Variants in SAMD3 observed in about 807,000 individuals in gnomAD.
SAMD3 encodes sterile alpha motif domain containing 3.
Under a neutral mutation model 58.5 loss-of-function variants are expected in SAMD3, and 63 were observed. The ratio of observed to expected loss-of-function variants is 1.08; its 90% CI spans 0.88 to 1.33. SAMD3 has a LOEUF of 1.33. Among genes scored for constraint, SAMD3 ranks in the 40% most tolerant of loss-of-function variants. The pLI is 0.00. For missense variants in SAMD3, 604 were observed against 608.4 expected, an observed-to-expected ratio of 0.99 and a Z score of 0.08; for synonymous variants, 220 against 210.3, an observed-to-expected ratio of 1.05 and a Z score of -0.40.
intron 2 of SAMD3, among the ~76,000 whole-genome samples, chr6:130,267,520 G>T (rs899236780): frequency 6.6e-6 from 1 of 152,128 alleles, no homozygotes; most frequent in Non-Finnish European, 1.5e-5. Context: ...AACAGAGACA[G>T]ACCCTCTCAT....
chr6:130,348,531 T>C (rs1326823523), intron 1 of SAMD3, among the ~76,000 whole-genome samples: 1 of 152,158 alleles, frequency 6.6e-6, no homozygotes, highest in Non-Finnish European at 1.5e-5. Flanking sequence ...GAGCTAACTA[T>C]CCTAAATATA....
rs767906146 is a variant in SAMD3, at chr6:130,175,893, C to T, written c.770G>A (p.Arg257Lys). ...CKFGHRRGQT[R>K]KSLADIRFDE... ...AAATCTTATATCAGCAAGAGATTTC[C>T]TTGTCTGGCCTCTTCGGTGTCCAAA... is the stretch of plus-strand genomic sequence containing the variant. The change falls in exon 8 of 12, where the codon AGG becomes AAG. Residue 257 changes from arginine (R) to lysine (K), a missense_variant. By Grantham distance (26) the Arg-to-Lys change is conservative. Coordinates refer to ENST00000439090, the MANE Select transcript of SAMD3 (RefSeq NM_001017373.4). 1.2e-6 allele frequency: 2 copies of T among 1,612,964 alleles called. No homozygotes were observed. The highest frequency in any genetic ancestry group is 1.1e-5 in the South Asian group (1 of 90,972).
chr6:130,359,726 A>T (rs1777931842), intron 1 of SAMD3, among the ~76,000 whole-genome samples: 1 of 152,230 alleles, frequency 6.6e-6, no homozygotes, highest in South Asian at 2.1e-4. Context: ...TGCCCAATAC[A>T]TTATGTGAAT....
intron 2 of SAMD3, among the ~76,000 whole-genome samples, chr6:130,236,276 T>C (rs923500583): frequency 6.6e-6 from 1 of 152,224 alleles, no homozygotes; most frequent in South Asian, 2.1e-4. Flanking sequence ...TAGTCTGTGC[T>C]ATTTTGTTAC....
intron 8 of SAMD3, 154 bp downstream of exon 8, chr6:130,175,687 C>A: frequency 6.3e-6 from 3 of 473,806 alleles, no homozygotes; most frequent in Non-Finnish European, 1.1e-5. Context: ...CATTGTTAGC[C>A]AGGCAAAACA....
chr6:130,331,798 A>AAT (rs1017770818), intron 1 of SAMD3, among the ~76,000 whole-genome samples: 8 of 152,284 alleles, frequency 5.3e-5, no homozygotes, highest in South Asian at 4.2e-4. Flanking sequence ...GTAAAAAATA[A>AAT]ATATATATAT....
rs781613496 is a variant in SAMD3, at chr6:130,146,110, A to G, written c.1095T>C (p.Tyr365=). 2.5e-6 allele frequency: 4 copies of G among 1,601,838 alleles called. No homozygotes were observed. In the Admixed American group the frequency reaches 5.1e-5, roughly 21 times the overall value. ...AAAAAGAAGTCAGTATATTTTCTGAATAGGATTCCAAAATGTGCCTTGTTT... is the reference window on the plus strand; with the variant it reads ...AAAAAGAAGTCAGTATATTTTCTGAGTAGGATTCCAAAATGTGCCTTGTTT... ...YKKTRHILES[Y]SENILTSFSV... The change falls in exon 10 of 12, where the codon TAT becomes TAC. Residue 365 remains tyrosine (Y), a synonymous_variant. Coordinates refer to ENST00000439090, the MANE Select transcript of SAMD3 (RefSeq NM_001017373.4).
At chr6:130,309,784 T>C (rs73615694) in intron 2 of SAMD3, among the ~76,000 whole-genome samples, 24,626 of 152,150 alleles carry the variant, frequency 0.16, 2,229 homozygotes, top group East Asian at 0.36. Flanking sequence ...TTAACTGGTG[T>C]CCTTGACTGT....
chr6:130,166,622 G>A (rs891193224), intron 8 of SAMD3, among the ~76,000 whole-genome samples: 1 of 152,246 alleles, frequency 6.6e-6, no homozygotes, highest in South Asian at 2.1e-4. Context: ...ATAGAAGAAA[G>A]AATAAGGGAG....
intron 2 of SAMD3, among the ~76,000 whole-genome samples, chr6:130,264,828 A>T (rs949336667): frequency 6.6e-6 from 1 of 152,028 alleles, no homozygotes; most frequent in Non-Finnish European, 1.5e-5. Flanking sequence ...ACCTGACCTG[A>T]CAAAACCCTT....
intron 2 of SAMD3, among the ~76,000 whole-genome samples, chr6:130,239,119 TGA>T (rs1375725901): frequency 2.0e-5 from 3 of 152,102 alleles, no homozygotes; most frequent in Non-Finnish European, 4.4e-5. Flanking sequence ...AGATGATGTC[TGA>T]GAGAGAGTCA....
In SAMD3 at chr6:130,250,158, G is replaced by A. The variant is rs148769072; in HGVS notation, c.-187-27345C>T. Reference sequence around the variant, plus strand: ...ACATTACAGTGAGACAGGTTTGGCTGAGATTAGAAACCAAAAAGAGGCATA... The same window carrying A: ...ACATTACAGTGAGACAGGTTTGGCTAAGATTAGAAACCAAAAAGAGGCATA... On this transcript the variant is annotated intron_variant, in intron 2 of 13. Coordinates refer to the SAMD3 transcript ENST00000368134. 5.4e-3 allele frequency among the ~76,000 whole-genome samples: 826 copies of A among 152,290 alleles called. 10 individuals carry two copies. Among genetic ancestry groups the A allele is most frequent in the African/African-American group, 0.019 (789 of 41,558 alleles).
At chr6:130,252,456 A>G (rs1277150042) in intron 2 of SAMD3, among the ~76,000 whole-genome samples, 1 of 152,154 alleles carries the variant, frequency 6.6e-6, no homozygotes, top group Non-Finnish European at 1.5e-5. Context: ...CTTTAGTTTA[A>G]TTACAGAGAG....
chr6:130,303,704 C>A (rs1362535220), intron 2 of SAMD3, among the ~76,000 whole-genome samples: 1 of 152,172 alleles, frequency 6.6e-6, no homozygotes, highest in Non-Finnish European at 1.5e-5. Flanking sequence ...CACCCCAGTC[C>A]AAAATTCCAT....
At chr6:130,322,064 G>C (rs1204770490) in intron 1 of SAMD3, among the ~76,000 whole-genome samples, 1 of 152,176 alleles carries the variant, frequency 6.6e-6, no homozygotes, top group Admixed American at 6.5e-5. Flanking sequence ...GTGAGGGCCT[G>C]ATCCAGCCAC....
chr6:130,157,009 G>T (rs1281659054), intron 8 of SAMD3, among the ~76,000 whole-genome samples: 1 of 151,946 alleles, frequency 6.6e-6, no homozygotes, highest in Non-Finnish European at 1.5e-5. Flanking sequence ...GACAGAGGTT[G>T]TGGTGAGCCA....
At chr6:130,269,718 C>T (rs1296670372) in intron 2 of SAMD3, among the ~76,000 whole-genome samples, 2 of 150,030 alleles carry the variant, frequency 1.3e-5, no homozygotes, top group African/African-American at 2.5e-5. Flanking sequence ...TTAAATGTTT[C>T]TGTTCTTAAC....
Position 130,261,092 on chromosome 6 carries a change from TGG to T in SAMD3, c.-187-38281_-187-38280del, listed in dbSNP as rs1271004896. ...CATGCCTTTATTGGCACTTTGGTTT[TGG>T]TTTTGGTTTTGACTTGGTTTGAATT... On this transcript the variant is annotated intron_variant, in intron 2 of 13. Transcript: ENST00000368134. Among the ~76,000 whole-genome samples the T allele has an allele frequency of 5.2e-3, 784 of 152,024 alleles. 7 individuals carry two copies. The highest frequency in any genetic ancestry group is 0.018 in the African/African-American group (756 of 41,398).
At chr6:130,201,853 G>T (rs537117564) in intron 5 of SAMD3, among the ~76,000 whole-genome samples, 1 of 152,060 alleles carries the variant, frequency 6.6e-6, no homozygotes, top group Non-Finnish European at 1.5e-5. Context: ...AGAGGCCTTC[G>T]CCACGCTTAC....
Sources: gnomAD v4.1 joint callset for allele counts (sites outside exome capture counted in the v4.1 genomes callset) on GRCh38, gnomAD v4.1.1 for gene constraint, MANE v1.5 for transcripts, NCBI Gene and HGNC (gene_info 2026-07-23, HGNC 2026-07-21) for gene names.